Variants in LRFN2 observed in about 807,000 individuals in gnomAD.
LRFN2 encodes leucine-rich repeat and fibronectin type-III domain-containing protein 2.
A neutral mutation model predicts 37.3 loss-of-function variants in LRFN2; 18 were observed. The observed-to-expected ratio is 0.48, with a 90% CI of 0.33 to 0.72. The LOEUF is 0.72. Ranked by LOEUF, LRFN2 falls within the 30% of genes least tolerant of loss-of-function variation. LRFN2 has a pLI of 0.02. For missense variants in LRFN2, 1,006 were observed against 1,060.7 expected (o/e 0.95, Z 0.72); for synonymous variants, 556 against 466.6 (o/e 1.19, Z -2.47).
At chr6:40,484,392 C>A (rs115639176) in intron 1 of LRFN2, among the ~76,000 whole-genome samples, 2,522 of 152,308 alleles carry the variant, frequency 0.017, 40 homozygotes, top group South Asian at 0.029. Context: ...CCTGCCCCCA[C>A]CCGCTGAGCC....
In LRFN2 at chr6:40,435,621, C is replaced by A. The variant is rs542520969; in HGVS notation, c.-18-2490G>T. Among the ~76,000 whole-genome samples the A allele has an allele frequency of 2.6e-5, 4 of 152,226 alleles. No homozygotes were observed. In the South Asian group the frequency reaches 6.2e-4, roughly 24 times the overall value. On this transcript the variant is annotated intron_variant, in intron 1 of 2. Transcript: ENST00000338305. ...TGGCATGATCTCAGCTCACTGCAAC[C>A]TCTGCCTCCCAGGTTCACGCCATTC... is the stretch of plus-strand genomic sequence containing the variant.
At chr6:40,529,969 CA>C (rs1208622139) in intron 1 of LRFN2, among the ~76,000 whole-genome samples, 1 of 152,222 alleles carries the variant, frequency 6.6e-6, no homozygotes, top group Non-Finnish European at 1.5e-5. Context: ...CACAGATTTT[CA>C]TTTGCTTACA....
At chr6:40,419,243 A>C (rs948461319) in intron 2 of LRFN2, among the ~76,000 whole-genome samples, 1 of 152,196 alleles carries the variant, frequency 6.6e-6, no homozygotes, top group Non-Finnish European at 1.5e-5. Flanking sequence ...AGCGCAGTTC[A>C]TTCCCTGCAC....
chr6:40,466,056 A>T (rs1764454814), intron 1 of LRFN2, among the ~76,000 whole-genome samples: 1 of 152,168 alleles, frequency 6.6e-6, no homozygotes, highest in Admixed American at 6.5e-5. Context: ...GCAAGGGAAG[A>T]CTTGAGGCTC....
At chr6:40,444,254 A>G (rs1561858477) in intron 1 of LRFN2, among the ~76,000 whole-genome samples, 1 of 152,214 alleles carries the variant, frequency 6.6e-6, no homozygotes, top group Non-Finnish European at 1.5e-5. Flanking sequence ...GAAGTATAGG[A>G]AAACGAAGAA....
At chr6:40,493,742 C>T (rs1368247281) in intron 1 of LRFN2, among the ~76,000 whole-genome samples, 1 of 152,230 alleles carries the variant, frequency 6.6e-6, no homozygotes, top group Non-Finnish European at 1.5e-5. Flanking sequence ...GTCCATTTGC[C>T]TGGATGCTGG....
chr6:40,463,500 G>T (rs1230633684), intron 1 of LRFN2, among the ~76,000 whole-genome samples: 1 of 151,976 alleles, frequency 6.6e-6, no homozygotes, highest in Non-Finnish European at 1.5e-5. Flanking sequence ...CTCCAAGGTG[G>T]TGTTTGAACA....
chr6:40,435,038 T>G (rs1293829590), intron 1 of LRFN2, among the ~76,000 whole-genome samples: 236 of 93,066 alleles, frequency 2.5e-3, no homozygotes, highest in East Asian at 0.018. Flanking sequence ...TATATATATA[T>G]ATATATATAT....
chr6:40,541,384 G>T (rs1165992085), intron 1 of LRFN2, among the ~76,000 whole-genome samples: 1 of 152,198 alleles, frequency 6.6e-6, no homozygotes, highest in African/African-American at 2.4e-5. Context: ...ACAGTGCAAG[G>T]AAGAACTCAC....
chr6:40,478,420 A>C (rs1219120622), intron 1 of LRFN2, among the ~76,000 whole-genome samples: 4 of 152,214 alleles, frequency 2.6e-5, no homozygotes, highest in Non-Finnish European at 5.9e-5. Context: ...ACATTCATTT[A>C]ATCCTTGCAA....
At chr6:40,566,808 A>G (rs1767098530) in intron 1 of LRFN2, among the ~76,000 whole-genome samples, 1 of 152,026 alleles carries the variant, frequency 6.6e-6, no homozygotes, top group African/African-American at 2.4e-5. Context: ...TGGGTGCAGC[A>G]TACCAACATG....
At chr6:40,428,595 G>T (rs1763408376) in intron 2 of LRFN2, among the ~76,000 whole-genome samples, 1 of 152,190 alleles carries the variant, frequency 6.6e-6, no homozygotes, top group African/African-American at 2.4e-5. Context: ...GTTGAGTCTG[G>T]GTGCTGAAGC....
In LRFN2 at chr6:40,431,868, C is replaced by G. The variant is rs775553507; in HGVS notation, c.1246G>C (p.Glu416Gln). Residue 416 changes from glutamate (E) to glutamine (Q), a missense_variant, in exon 2 of 3, where the codon GAG becomes CAG. This residue lies in a region of LRFN2 where 303 missense variants were observed against 299.8 expected (regional missense o/e 1.01). Transcript: ENST00000338305. ...CGTTCCGGGGGGCTTTTGGGAGGCT[C>G]TCCGCCCCCACTGCCTCCACCTCCC... ...SRGGGGSGGG[E>Q]PPKSPPERAV... 1 of 1,598,968 alleles carries G rather than the reference C, an allele frequency of 6.3e-7. No individual in the cohort carries two copies. The highest frequency in any genetic ancestry group is 2.2e-5 in the East Asian group (1 of 44,752).
At chr6:40,543,401 C>T (rs951124731) in intron 1 of LRFN2, among the ~76,000 whole-genome samples, 3 of 152,206 alleles carry the variant, frequency 2.0e-5, no homozygotes, top group African/African-American at 7.2e-5. Context: ...TATTGACTTA[C>T]ATTCAATTCC....
intron 1 of LRFN2, among the ~76,000 whole-genome samples, chr6:40,448,792 A>T (rs186430499): frequency 2.0e-5 from 3 of 152,326 alleles, no homozygotes; most frequent in African/African-American, 7.2e-5. Context: ...AAGGAAGCTG[A>T]ACACTTCCGG....
chr6:40,428,021 AC>A (rs1561849881), intron 2 of LRFN2, among the ~76,000 whole-genome samples: 1 of 152,046 alleles, frequency 6.6e-6, no homozygotes, highest in African/African-American at 2.4e-5. Flanking sequence ...TCTGCTACTT[AC>A]CCCCTGTTTA....
rs373961182 is a variant in LRFN2 at position 40,478,170 on chromosome 6, C to A, written c.-18-45039G>T. Among the ~76,000 whole-genome samples, 33 of 152,306 alleles carry A rather than the reference C, an allele frequency of 2.2e-4. 1 individual carries two copies. In the South Asian group the frequency reaches 6.2e-3, roughly 29 times the overall value. ...TCAGATGGAATGGCTGTGTGCCCTG[C>A]TGCCCTGTACATGCTTTCTCTTCCT... is the stretch of plus-strand genomic sequence containing the variant. On this transcript the variant is annotated intron_variant, in intron 1 of 2. Transcript: ENST00000338305.
At chr6:40,487,432 C>T (rs1018502533) in intron 1 of LRFN2, among the ~76,000 whole-genome samples, 11 of 152,226 alleles carry the variant, frequency 7.2e-5, no homozygotes, top group Admixed American at 2.6e-4. Flanking sequence ...TCAATGAGTT[C>T]TTGCTTCTTC....
At chr6:40,457,598 C>T (rs2436732) in intron 1 of LRFN2, among the ~76,000 whole-genome samples, 18,209 of 144,036 alleles carry the variant, frequency 0.13, 1,302 homozygotes, top group Admixed American at 0.22. Flanking sequence ...ATGATCATAC[C>T]TCTGCACTCC....
Sources: gnomAD v4.1 joint callset for allele counts (sites outside exome capture counted in the v4.1 genomes callset) on GRCh38, gnomAD v4.1.1 for gene constraint, gnomAD v4.1.1 regional missense constraint, MANE v1.5 for transcripts, NCBI Gene and HGNC (gene_info 2026-07-23, HGNC 2026-07-21) for gene names.